CHD4: variants seen among roughly 807,000 people sequenced by gnomAD.
CHD4 encodes the protein ATP-dependent chromatin remodeler CHD4.
In CHD4, 35 loss-of-function variants were observed where a neutral mutation model predicts 235.5. The ratio of observed to expected loss-of-function variants is 0.15; its 90% confidence interval spans 0.11 to 0.20. CHD4 has a LOEUF of 0.20. Among genes scored for constraint, CHD4 ranks in the 10% least tolerant of loss-of-function variants. CHD4 has a pLI of 1.00. For synonymous variants in CHD4, 900 were observed against 850.2 expected (o/e 1.06, Z -1.02); for missense variants, 1,329 against 2,432.3 (o/e 0.55, Z 9.54).
At position 6,573,047 on chromosome 12, in the gene CHD4, G is replaced by C. The variant is rs538993312; in HGVS notation, c.5557+27C>G. On this transcript the variant is annotated intron_variant, in intron 38 of 39. Transcript: ENST00000544040. ...CAGTCAGATCAGGGAGGCCGAATCG[G>C]CAGGAGGCAGGGGAGCCACTGGCTA... 4.4e-6 allele frequency: 7 copies of C among 1,580,602 alleles called. No individual in the cohort carries two copies. In the South Asian group the frequency reaches 8.2e-5, roughly 19 times the overall value.
intron 10 of CHD4, among the ~76,000 whole-genome samples, chr12:6,599,331 G>T (rs1325542687): frequency 6.6e-6 from 1 of 151,822 alleles, no homozygotes; most frequent in Non-Finnish European, 1.5e-5. Flanking sequence ...TAGCTACTCA[G>T]CAAGAGGTTG....
chr12:6,598,058 C>A lies in CHD4; in HGVS notation c.1728G>T (p.Arg576=), dbSNP rs896886174. Residue 576 remains arginine (R), a synonymous_variant, in exon 12 of 40, where the codon CGG becomes CGT. Coordinates refer to ENST00000544040, the MANE Select transcript of CHD4 (RefSeq NM_001273.5). ...AAGGTGGCTCATCCATATCATTCTTCCGCTGATAGTTTCGGAACATCACCT... is the reference window on the plus strand; with the variant it reads ...AAGGTGGCTCATCCATATCATTCTTACGCTGATAGTTTCGGAACATCACCT... ...HCQVMFRNYQ[R]KNDMDEPPSG... The A allele has an allele frequency of 6.2e-7, 1 of 1,614,258 alleles. No homozygotes were observed.
intron 37 of CHD4, among the ~76,000 whole-genome samples, chr12:6,577,088 C>CATT (rs1948084277): frequency 6.6e-6 from 1 of 152,134 alleles, no homozygotes; most frequent in South Asian, 2.1e-4. Context: ...AGGCGTGAGC[C>CATT]ACCGCACCTG....
chr12:6,606,508 C>T (rs1233333679), intron 1 of CHD4, 57 bp from the exon 2 acceptor site: 1 of 528,388 alleles, frequency 1.9e-6, no homozygotes, highest in African/African-American at 2.0e-5. Flanking sequence ...CTGTCCCCCT[C>T]CCCCACACCC....
Position 6,599,788 on chromosome 12 carries a change from G to C in CHD4, c.1467C>G (p.Leu489=), listed in dbSNP as rs1948559169. Residue 489 remains leucine (L), a synonymous_variant, in exon 10 of 40, where the codon CTC becomes CTG. Transcript: ENST00000544040. ...PLPEIPNGEW[L]CPRCTCPALK... ...AGTCACTCACCGTACAACGGGGACA[G>C]AGCCATTCACCGTTGGGGATCTCTG... 1 of 1,614,084 alleles carries C rather than the reference G, an allele frequency of 6.2e-7. No homozygotes were observed. The highest frequency in any genetic ancestry group is 1.3e-5 in the African/African-American group (1 of 74,916).
At chr12:6,577,293 G>A (rs1381570609) in intron 37 of CHD4, among the ~76,000 whole-genome samples, 1 of 151,904 alleles carries the variant, frequency 6.6e-6, no homozygotes. Flanking sequence ...GTGGTGGCAG[G>A]CGCCTGTAAT....
Position 6,587,508 on chromosome 12 carries a change from T to A in CHD4, c.3755A>T (p.Lys1252Met). The A allele has an allele frequency of 6.2e-7, 1 of 1,614,206 alleles. No homozygotes were observed. Among genetic ancestry groups the A allele is most frequent in the Non-Finnish European group, 8.5e-7 (1 of 1,180,044 alleles). ...ACGGTCTAGCAGCCGTTCAATGGCC[T>A]TATCATCGTAGTGGATAACACTGCT... is the stretch of plus-strand genomic sequence containing the variant. ...EDSSVIHYDD[K>M]AIERLLDRNQ... The change falls in exon 25 of 40, where the codon AAG (lysine) becomes ATG (methionine). Residue 1252 changes from lysine (K) to methionine (M), a missense_variant. Lys to Met is a moderately conservative substitution (Grantham distance 95). Coordinates refer to ENST00000544040, the MANE Select transcript of CHD4 (RefSeq NM_001273.5).
intron 25 of CHD4, chr12:6,586,984 C>T (rs1294932539): frequency 1.2e-5 from 2 of 165,232 alleles, no homozygotes; most frequent in African/African-American, 2.4e-5. Context: ...AGATGTGAGC[C>T]ACTGCACCTG....
At chr12:6,587,334 A>G (rs1948317750) in intron 25 of CHD4, 50 bp downstream of exon 25, 2 of 1,579,382 alleles carry the variant, frequency 1.3e-6, no homozygotes, top group South Asian at 2.3e-5. Context: ...TCTCAATGCC[A>G]ATTTTCAGAC....
chr12:6,587,155 A>G (rs1948313239), intron 25 of CHD4: 1 of 518,086 alleles, frequency 1.9e-6, no homozygotes, highest in African/African-American at 1.9e-5. Flanking sequence ...AAAGAGCCAA[A>G]ATAACTGTTG....
At position 6,595,370 on chromosome 12, in the gene CHD4, C is replaced by T; in HGVS notation, c.2085G>A (p.Arg695=). The T allele has an allele frequency of 1.9e-6, 3 of 1,614,150 alleles. No individual in the cohort carries two copies. Among genetic ancestry groups the T allele is most frequent in the Non-Finnish European group, 2.5e-6 (3 of 1,180,012 alleles). ...PGKKLKKVKL[R]KLERPPETPT... is the part of the protein sequence containing the mutation. ...GCGTTTCTGGAGGCCTCTCCAACTT[C>T]CGAAGCTTCACCTTCTTGAGCTTCT... The change falls in exon 14 of 40, where the codon CGG becomes CGA. Residue 695 remains arginine, a synonymous_variant. Coordinates refer to ENST00000544040, the MANE Select transcript of CHD4 (RefSeq NM_001273.5).
At chr12:6,586,151 C>T (rs1342760923) in intron 25 of CHD4, among the ~76,000 whole-genome samples, 1 of 151,702 alleles carries the variant, frequency 6.6e-6, no homozygotes, top group Non-Finnish European at 1.5e-5. Context: ...GTAATCCCAG[C>T]ACTTTGGGAG....
Position 6,593,568 on chromosome 12 carries a change from T to C in CHD4, c.2362A>G (p.Ile788Val), listed in dbSNP as rs1409893925. The C allele has an allele frequency of 6.2e-7, 1 of 1,613,992 alleles. No homozygotes were observed. Among genetic ancestry groups the C allele is most frequent in the Non-Finnish European group, 8.5e-7 (1 of 1,180,038 alleles). The change falls in exon 16 of 40, where the codon ATC (isoleucine) becomes GTC (valine). Residue 788 changes from isoleucine (I) to valine (V), a missense_variant. Physicochemically the swap from Ile to Val is conservative, Grantham distance 29. Around this residue, in one of 26 missense-constraint regions of CHD4, gnomAD observed 78 missense variants for 174.8 expected, o/e 0.45. Coordinates refer to ENST00000544040, the MANE Select transcript of CHD4 (RefSeq NM_001273.5). This position sits in a 1 kb window ranked among gnomAD's most constrained non-coding sequence, Gnocchi z 4.9. Reference sequence around the variant, plus strand: ...ATTTCAAACTCCCGCTCCCAGTTGATGATGGTAGAAAGAGGGGCGCTCACT... The same window carrying C: ...ATTTCAAACTCCCGCTCCCAGTTGACGATGGTAGAAAGAGGGGCGCTCACT... ...FLVSAPLSTI[I>V]NWEREFEMWA... is the part of the protein sequence containing the mutation.
In CHD4 at chr12:6,587,734, G is replaced by A. The variant is rs760265171; in HGVS notation, c.3681C>T (p.Phe1227=). 1 of 1,614,116 alleles carries A rather than the reference G, an allele frequency of 6.2e-7. No individual in the cohort carries two copies. The highest frequency in any genetic ancestry group is 8.5e-7 in the Non-Finnish European group (1 of 1,180,008). The change falls in exon 24 of 40, where the codon TTC becomes TTT. Residue 1227 remains phenylalanine, a synonymous_variant. Transcript: ENST00000544040. ...CACCTCCATCAGTGGCTTCATCCTT[G>A]AATAGTTCCTCAGTGCCAAATTTGA... ...DILKFGTEEL[F]KDEATDGGGD... is the part of the protein sequence containing the mutation.
In CHD4 at chr12:6,602,162, C is replaced by T. The variant is rs1482228965; in HGVS notation, c.236G>A (p.Cys79Tyr). 3 of 1,613,954 alleles carry T rather than the reference C, an allele frequency of 1.9e-6. No homozygotes were observed. Among genetic ancestry groups the T allele is most frequent in the Non-Finnish European group, 2.5e-6 (3 of 1,179,970 alleles). Residue 79 changes from cysteine to tyrosine, a missense_variant, in exon 4 of 40, where the codon TGC (cysteine) becomes TAC (tyrosine). By Grantham distance (194) the Cys-to-Tyr change is radical. This residue lies in a region of CHD4 where 213 missense variants were observed against 177.5 expected (regional missense o/e 1.20). Coordinates refer to ENST00000544040, the MANE Select transcript of CHD4 (RefSeq NM_001273.5). ...CCCAGAGCTGTCCCCCAGCTGCCGG[C>T]ATAAGAGCATACGCTGGAGCAGGGC... ...KRQKKERMLL[C>Y]RQLGDSSGEG...
rs1212172072 is a variant in CHD4, at chr12:6,570,261, G to A, written c.*415C>T. The A allele has an allele frequency of 1.1e-5, 2 of 179,030 alleles. No homozygotes were observed. Among genetic ancestry groups the A allele is most frequent in the African/African-American group, 2.4e-5 (1 of 42,198 alleles). 11.1% of individuals were successfully genotyped at this position (179,030 alleles called of 1,614,324 possible). A position where few individuals can be genotyped will look rare whatever the true frequency, so the allele number is the denominator to read the frequency against. On this transcript the variant is annotated 3_prime_UTR_variant, in exon 40 of 40. Coordinates refer to ENST00000544040, the MANE Select transcript of CHD4 (RefSeq NM_001273.5). ...AACAGAGGTAGCTGTGTCTCGCCCA[G>A]GGGCCCAGCCCACTCTGAATACCCC...
chr12:6,591,612 A>G, intron 21 of CHD4, 29 bp from the exon 22 acceptor site: 2 of 1,613,874 alleles, frequency 1.2e-6, no homozygotes, highest in Non-Finnish European at 8.5e-7. Flanking sequence ...TTAATTATGG[A>G]AGAGTCAGAT....
At chr12:6,572,563 T>C (rs1308251989) in intron 38 of CHD4, among the ~76,000 whole-genome samples, 1 of 152,086 alleles carries the variant, frequency 6.6e-6, no homozygotes, top group Non-Finnish European at 1.5e-5. Flanking sequence ...AGAGCCCATC[T>C]CTTTTTTTTC....
intron 14 of CHD4, 150 bp from the exon 15 acceptor site, chr12:6,594,800 C>T: frequency 1.5e-6 from 1 of 662,798 alleles, no homozygotes; most frequent in Non-Finnish European, 2.5e-6. Flanking sequence ...ATGATTACTG[C>T]AATTTCATGT....
Sources: gnomAD v4.1 joint callset for allele counts (sites outside exome capture counted in the v4.1 genomes callset) on GRCh38, gnomAD v4.1.1 for gene constraint, gnomAD v4.1.1 regional missense constraint, Gnocchi (gnomAD v3.1) non-coding constraint, MANE v1.5 for transcripts, NCBI Gene and HGNC (gene_info 2026-07-23, HGNC 2026-07-21) for gene names.